The following CDH8 variants were observed in gnomAD, a reference collection of about 807,000 sequenced individuals.
CDH8 encodes the protein cadherin 8.
In CDH8, 17 loss-of-function variants were observed where a neutral mutation model predicts 68.1. The observed-to-expected ratio is 0.25, with a 90% CI of 0.17 to 0.37. CDH8 has a LOEUF of 0.37. CDH8 is among the 10% of genes least tolerant of loss of function. The pLI, the probability that CDH8 is intolerant of heterozygous loss-of-function variation, is 1.00. For missense variants in CDH8, 763 were observed against 999.3 expected, an observed-to-expected ratio of 0.76 and a Z score of 3.19; for synonymous variants, 372 against 365.1, an observed-to-expected ratio of 1.02 and a Z score of -0.21.
chr16:61,762,432 C>T (rs1190021987), intron 8 of CDH8, among the ~76,000 whole-genome samples: 1 of 152,172 alleles, frequency 6.6e-6, no homozygotes, highest in African/African-American at 2.4e-5. Context: ...ACAAAACTTC[C>T]TGATGACTAT....
At chr16:61,922,133 T>A (rs1185147340) in intron 2 of CDH8, among the ~76,000 whole-genome samples, 1 of 151,882 alleles carries the variant, frequency 6.6e-6, no homozygotes, top group Non-Finnish European at 1.5e-5. Flanking sequence ...CAATTTCTAT[T>A]GTTGTGTGTG....
intron 10 of CDH8, among the ~76,000 whole-genome samples, chr16:61,671,169 C>T (rs1024392199): frequency 6.6e-6 from 1 of 152,000 alleles, no homozygotes; most frequent in African/African-American, 2.4e-5. Context: ...AATGCATATT[C>T]TTGGATTTTA....
At chr16:61,673,638 T>C (rs1963839865) in intron 10 of CDH8, among the ~76,000 whole-genome samples, 1 of 152,186 alleles carries the variant, frequency 6.6e-6, no homozygotes. Context: ...CCACATACTA[T>C]ATTTGTTCTT....
intron 3 of CDH8, among the ~76,000 whole-genome samples, chr16:61,878,855 G>T (rs1341766164): frequency 6.6e-6 from 1 of 152,050 alleles, no homozygotes; most frequent in Non-Finnish European, 1.5e-5. Flanking sequence ...TTAATGAGTG[G>T]CCTCCATGAT....
At chr16:61,989,662 G>A (rs1965684917) in intron 2 of CDH8, among the ~76,000 whole-genome samples, 1 of 152,196 alleles carries the variant, frequency 6.6e-6, no homozygotes, top group Non-Finnish European at 1.5e-5. Flanking sequence ...TGATTGATCA[G>A]GGAGGTGATG....
At chr16:61,782,152 G>T (rs1305265812) in intron 8 of CDH8, among the ~76,000 whole-genome samples, 3 of 152,174 alleles carry the variant, frequency 2.0e-5, no homozygotes, top group African/African-American at 7.2e-5. Context: ...GAAGACGGGT[G>T]ATTTCTGCAT....
intron 8 of CDH8, among the ~76,000 whole-genome samples, chr16:61,752,354 A>G (rs1032586305): frequency 6.6e-6 from 1 of 152,188 alleles, no homozygotes; most frequent in Admixed American, 6.5e-5. Context: ...AATTTCTTAC[A>G]TTCAGTAATA....
Position 61,652,181 on chromosome 16 carries a change from G to T in CDH8, c.*1427C>A. The T allele has an allele frequency of 1.0e-6, 1 of 982,128 alleles. No individual in the cohort carries two copies. Among genetic ancestry groups the T allele is most frequent in the Non-Finnish European group, 1.2e-6 (1 of 826,976 alleles). 60.8% of individuals were successfully genotyped at this position (982,128 alleles called of 1,614,324 possible). On this transcript the variant is annotated 3_prime_UTR_variant, in exon 12 of 12. Coordinates refer to ENST00000577390, the MANE Select transcript of CDH8 (RefSeq NM_001796.5). The stretch of plus-strand genomic sequence containing the variant: ...TTTTCTACTCCTAAATGGCAGGTTT[G>T]CATTACAAATTAAATATGCTCACAT...
chr16:61,983,565 A>G (rs751042765), intron 2 of CDH8, among the ~76,000 whole-genome samples: 1 of 152,212 alleles, frequency 6.6e-6, no homozygotes, highest in Non-Finnish European at 1.5e-5. Flanking sequence ...ACTACCTATC[A>G]GTTATAAGAA....
Position 61,960,598 on chromosome 16 carries a change from T to C in CDH8, c.253-59125A>G, listed in dbSNP as rs142572944. 9.1e-3 allele frequency among the ~76,000 whole-genome samples: 1,385 copies of C among 152,272 alleles called. 28 individuals are homozygous for C. The highest frequency in any genetic ancestry group is 0.032 in the African/African-American group (1,329 of 41,542). On this transcript the variant is annotated intron_variant, in intron 2 of 11. Coordinates refer to ENST00000577390, the MANE Select transcript of CDH8 (RefSeq NM_001796.5). ...AGCTGGTGCCCAAAAAGACTCTTGA[T>C]GTTGAAAGAACTGCAGTATAAATAA...
chr16:61,720,528 C>A (rs1337657508), intron 9 of CDH8, among the ~76,000 whole-genome samples: 1 of 150,716 alleles, frequency 6.6e-6, no homozygotes, highest in Admixed American at 6.6e-5. Flanking sequence ...AAATTAGGGG[C>A]CAGAATAAAA....
At chr16:62,014,415 T>C (rs1901888052) in intron 2 of CDH8, among the ~76,000 whole-genome samples, 1 of 152,086 alleles carries the variant, frequency 6.6e-6, no homozygotes, top group South Asian at 2.1e-4. Flanking sequence ...CCTGCCAAAT[T>C]ATTGGTGCAC....
At chr16:61,772,518 A>G (rs1031044090) in intron 8 of CDH8, among the ~76,000 whole-genome samples, 2 of 152,084 alleles carry the variant, frequency 1.3e-5, no homozygotes, top group African/African-American at 4.8e-5. Flanking sequence ...AAGAATACAG[A>G]AAGGGTTAAA....
chr16:61,721,869 C>T (rs1959221186), intron 9 of CDH8, among the ~76,000 whole-genome samples: 1 of 150,692 alleles, frequency 6.6e-6, no homozygotes, highest in African/African-American at 2.4e-5. Context: ...TAGTCTTTTT[C>T]GGTCTCAGCT....
intron 2 of CDH8, among the ~76,000 whole-genome samples, chr16:61,912,023 G>A (rs1482678980): frequency 1.3e-5 from 2 of 152,032 alleles, no homozygotes; most frequent in Non-Finnish European, 2.9e-5. Flanking sequence ...CTGAAAATAT[G>A]AGATAGATTT....
intron 2 of CDH8, among the ~76,000 whole-genome samples, chr16:61,944,019 T>C (rs193263423): frequency 4.6e-5 from 7 of 152,304 alleles, no homozygotes; most frequent in Admixed American, 2.0e-4. Context: ...AATAACTGGA[T>C]CCTTTTAGAC....
rs3784852 is a variant in CDH8, at chr16:61,908,721, T to C, written c.253-7248A>G. Reference sequence around the variant, plus strand: ...AGGCTGCACCACATAATTGGGAAAATGCCTTTATATGCTGAAATGTCTTAC... The same window carrying C: ...AGGCTGCACCACATAATTGGGAAAACGCCTTTATATGCTGAAATGTCTTAC... On this transcript the variant is annotated intron_variant, in intron 2 of 11. Coordinates refer to ENST00000577390, the MANE Select transcript of CDH8 (RefSeq NM_001796.5). Among the ~76,000 whole-genome samples, 20 of 152,148 alleles carry C rather than the reference T, an allele frequency of 1.3e-4. No homozygotes were observed. The East Asian group carries it at 2.9e-3, about 22-fold the overall frequency.
chr16:61,912,808 A>G (rs754678806), intron 2 of CDH8, among the ~76,000 whole-genome samples: 2 of 152,170 alleles, frequency 1.3e-5, no homozygotes, highest in Non-Finnish European at 2.9e-5. Flanking sequence ...GATAATATAT[A>G]CATGAAAGCT....
chr16:61,919,036 C>T (rs1187161535), intron 2 of CDH8, among the ~76,000 whole-genome samples: 2 of 147,244 alleles, frequency 1.4e-5, no homozygotes, highest in African/African-American at 2.5e-5. Flanking sequence ...AACTGGGAGG[C>T]ACCCCCCAGC....
Sources: gnomAD v4.1 joint callset for allele counts (sites outside exome capture counted in the v4.1 genomes callset) on GRCh38, gnomAD v4.1.1 for gene constraint, MANE v1.5 for transcripts, NCBI Gene and HGNC (gene_info 2026-07-23, HGNC 2026-07-21) for gene names.